Variants in NELL2 observed in about 807,000 individuals in gnomAD.
NELL2 encodes neural EGFL like 2.
In NELL2, 41 loss-of-function variants were observed where a neutral mutation model predicts 109.6. The ratio of observed to expected loss-of-function variants is 0.37; its 90% CI spans 0.29 to 0.49. NELL2 has a LOEUF of 0.49. Ranked by LOEUF, NELL2 falls within the 20% of genes least tolerant of loss-of-function variation. The pLI is 0.98. For missense variants in NELL2, 900 were observed against 1,008.3 expected (o/e 0.89, Z 1.45); for synonymous variants, 355 against 344.7 (o/e 1.03, Z -0.33).
At chr12:44,659,286 G>A (rs1947642888) in intron 13 of NELL2, among the ~76,000 whole-genome samples, 1 of 152,160 alleles carries the variant, frequency 6.6e-6, no homozygotes, top group Non-Finnish European at 1.5e-5. Flanking sequence ...ATAGGCATGG[G>A]CAAAGACTTC....
At chr12:44,691,750 G>C (rs1185920102) in intron 12 of NELL2, among the ~76,000 whole-genome samples, 2 of 152,192 alleles carry the variant, frequency 1.3e-5, no homozygotes, top group Non-Finnish European at 2.9e-5. Context: ...GAGTGGTATG[G>C]ATGGAAGATA....
chr12:44,745,252 C>CT (rs892073961), intron 9 of NELL2, among the ~76,000 whole-genome samples: 5 of 137,258 alleles, frequency 3.6e-5, no homozygotes, highest in African/African-American at 1.8e-4. Flanking sequence ...AATTCAACAA[C>CT]CTTCATGCTA....
intron 2 of NELL2, among the ~76,000 whole-genome samples, chr12:44,854,326 C>T (rs1051515489): frequency 4.6e-5 from 7 of 152,082 alleles, no homozygotes; most frequent in African/African-American, 1.7e-4. Flanking sequence ...AACAGATACA[C>T]AATGCACAGC....
At chr12:44,664,841 G>A (rs940313449) in intron 13 of NELL2, among the ~76,000 whole-genome samples, 1 of 151,820 alleles carries the variant, frequency 6.6e-6, no homozygotes, top group Non-Finnish European at 1.5e-5. Flanking sequence ...GTTTTGTTTT[G>A]TTTTGTTTTG....
intron 2 of NELL2, among the ~76,000 whole-genome samples, chr12:44,830,684 G>T (rs1382297680): frequency 1.3e-5 from 2 of 152,012 alleles, no homozygotes; most frequent in Non-Finnish European, 2.9e-5. Flanking sequence ...AAGTCTTGCT[G>T]CTCAGAGATT....
intron 1 of NELL2, among the ~76,000 whole-genome samples, chr12:44,886,595 G>A (rs1280377943): frequency 6.6e-6 from 1 of 151,858 alleles, no homozygotes; most frequent in Non-Finnish European, 1.5e-5. Context: ...CATATAATTT[G>A]TAAAGATCAA....
chr12:44,619,641 GAGGAGA>G (rs1222027747), intron 13 of NELL2, among the ~76,000 whole-genome samples: 1 of 152,098 alleles, frequency 6.6e-6, no homozygotes, highest in Non-Finnish European at 1.5e-5. Flanking sequence ...GGCGGAAGAG[GAGGAGA>G]AGGAGGAGGA....
At chr12:44,712,034 G>A (rs1938231492) in intron 10 of NELL2, among the ~76,000 whole-genome samples, 1 of 152,016 alleles carries the variant, frequency 6.6e-6, no homozygotes, top group South Asian at 2.1e-4. Context: ...TTCCCAAGGA[G>A]AAACCAAAAT....
At chr12:44,700,594 T>C (rs193265744) in intron 12 of NELL2, among the ~76,000 whole-genome samples, 514 of 152,242 alleles carry the variant, frequency 3.4e-3, no homozygotes, top group Middle Eastern at 6.8e-3. Flanking sequence ...CTCTTCCTTC[T>C]ATGATTCCCT....
In NELL2 at chr12:44,522,159, A is replaced by G. The variant is rs1941568667; in HGVS notation, c.2016T>C (p.Cys672=). 1 of 1,613,810 alleles carries G rather than the reference A, an allele frequency of 6.2e-7. No individual in the cohort carries two copies. Among genetic ancestry groups the G allele is most frequent in the Non-Finnish European group, 8.5e-7 (1 of 1,179,946 alleles). Residue 672 remains cysteine, a synonymous_variant, in exon 18 of 20, where the codon TGT becomes TGC. Coordinates refer to ENST00000429094, the MANE Select transcript of NELL2 (RefSeq NM_001145108.2). ...TCTCACAGTCACAGACCATCCGTCG[A>G]CACATAACGAATCCATTCTGTATGA... ...VCSCQNGFVM[C]RRMVCDCENP...
chr12:44,562,383 T>C (rs914973175), intron 15 of NELL2, among the ~76,000 whole-genome samples: 1 of 152,186 alleles, frequency 6.6e-6, no homozygotes, highest in Non-Finnish European at 1.5e-5. Flanking sequence ...ACAGGCAGCC[T>C]ACAGAATGGG....
chr12:44,779,968 G>A lies in NELL2; in HGVS notation c.390C>T (p.Arg130=). ...GHRNEVRLHY[R]SGSHRPHTEV... ...CTGTGTGAGGGCGGTGACTGCCTGAGCGGTAATGCAGTCTGACTTCATTCC... is the reference window on the plus strand; with the variant it reads ...CTGTGTGAGGGCGGTGACTGCCTGAACGGTAATGCAGTCTGACTTCATTCC... Residue 130 remains arginine, a synonymous_variant, in exon 4 of 20, where the codon CGC becomes CGT. Coordinates refer to ENST00000429094, the MANE Select transcript of NELL2 (RefSeq NM_001145108.2). The A allele has an allele frequency of 6.2e-7, 1 of 1,613,906 alleles. No individual in the cohort carries two copies. The highest frequency in any genetic ancestry group is 1.1e-5 in the South Asian group (1 of 91,082).
rs1469511714 is a variant in NELL2, at chr12:44,587,305, A to AT, written c.1663+19863dup. Among the ~76,000 whole-genome samples, 645 of 118,068 alleles carry AT rather than the reference A, an allele frequency of 5.5e-3. 13 individuals are homozygous for AT. The highest frequency in any genetic ancestry group is 0.024 in the African/African-American group (623 of 26,456). 77.5% of individuals were successfully genotyped at this position (118,068 alleles called of 152,430 possible). A position where few individuals can be genotyped will look rare whatever the true frequency, so the allele number is the denominator to read the frequency against. ...AAAAAATATATATATATATATATATATATTTTTTTTTAAATATGAAGTTAT... is the reference window on the plus strand; with the variant it reads ...AAAAAATATATATATATATATATATATTATTTTTTTTTAAATATGAAGTTAT... On this transcript the variant is annotated intron_variant, in intron 15 of 19. Coordinates refer to ENST00000429094, the MANE Select transcript of NELL2 (RefSeq NM_001145108.2).
intron 12 of NELL2, among the ~76,000 whole-genome samples, chr12:44,692,666 A>G (rs1412561883): frequency 6.6e-6 from 1 of 152,166 alleles, no homozygotes; most frequent in Non-Finnish European, 1.5e-5. Flanking sequence ...CAAGATAACT[A>G]CACTAACAAG....
chr12:44,819,692 C>T (rs1486348338), intron 2 of NELL2, among the ~76,000 whole-genome samples: 5 of 152,150 alleles, frequency 3.3e-5, no homozygotes, highest in African/African-American at 1.2e-4. Context: ...CAGGACAGGA[C>T]CACTTACCCT....
At chr12:44,803,634 T>C (rs1472388163) in intron 3 of NELL2, among the ~76,000 whole-genome samples, 1 of 152,024 alleles carries the variant, frequency 6.6e-6, no homozygotes, top group African/African-American at 2.4e-5. Context: ...AACATTAAAT[T>C]AGGAAAACTG....
At chr12:44,558,287 A>T (rs542811064) in intron 15 of NELL2, among the ~76,000 whole-genome samples, 76 of 152,246 alleles carry the variant, frequency 5.0e-4, no homozygotes, top group Non-Finnish European at 9.6e-4. Flanking sequence ...AAAATAGTCC[A>T]TAAAACAAAT....
At chr12:44,729,025 A>G (rs767519777) in intron 9 of NELL2, among the ~76,000 whole-genome samples, 1 of 152,182 alleles carries the variant, frequency 6.6e-6, no homozygotes, top group Non-Finnish European at 1.5e-5. Flanking sequence ...CAGCAACACG[A>G]AAGTATATAA....
At chr12:44,807,863 C>T (rs77823183) in intron 3 of NELL2, among the ~76,000 whole-genome samples, 10,062 of 152,070 alleles carry the variant, frequency 0.066, 480 homozygotes, top group Non-Finnish European at 0.1. Context: ...ACACAGTTTG[C>T]TTGCTCCTTA....
Sources: gnomAD v4.1 joint callset for allele counts (sites outside exome capture counted in the v4.1 genomes callset) on GRCh38, gnomAD v4.1.1 for gene constraint, MANE v1.5 for transcripts, NCBI Gene and HGNC (gene_info 2026-07-23, HGNC 2026-07-21) for gene names.